The following MBD5 variants were observed in gnomAD, a reference collection of about 807,000 sequenced individuals.
The protein encoded by MBD5 is methyl-CpG binding domain protein 5.
Under a neutral mutation model 117.3 loss-of-function variants are expected in MBD5, and 13 were observed. That is an observed-to-expected ratio of 0.11 (90% CI 0.07 to 0.18). The LOEUF is 0.18. Ranked by LOEUF, MBD5 falls within the 10% of genes least tolerant of loss-of-function variation. The probability of loss-of-function intolerance (pLI) is 1.00; values close to 1 mark genes in which losing one functional copy is unlikely to be tolerated. For missense variants in MBD5, 1,879 were observed against 2,093.8 expected (o/e 0.90, Z 2.00); for synonymous variants, 727 against 766.4 (o/e 0.95, Z 0.85).
chr2:148,341,058 T>C (rs1177358479), intron 3 of MBD5, among the ~76,000 whole-genome samples: 1 of 152,058 alleles, frequency 6.6e-6, no homozygotes, highest in Non-Finnish European at 1.5e-5. Flanking sequence ...TATTTTTCTG[T>C]GAGACCCCAC....
intron 4 of MBD5, chr2:148,347,689 T>C (rs1176778900): frequency 6.6e-6 from 1 of 152,030 alleles, no homozygotes; most frequent in Non-Finnish European, 1.5e-5. Context: ...CAAAAATGTT[T>C]AAATTTATTT....
intron 2 of MBD5, among the ~76,000 whole-genome samples, chr2:148,232,790 A>G (rs781434437): frequency 6.6e-6 from 1 of 152,040 alleles, no homozygotes; most frequent in Non-Finnish European, 1.5e-5. Context: ...TATGCTATGA[A>G]TTGATAATCT....
chr2:148,195,734 A>C (rs1698967690), intron 2 of MBD5, among the ~76,000 whole-genome samples: 1 of 152,178 alleles, frequency 6.6e-6, no homozygotes. Flanking sequence ...ATAATCCAAT[A>C]CCAAAAAAGC....
intron 4 of MBD5, among the ~76,000 whole-genome samples, chr2:148,400,779 A>G (rs972500872): frequency 1.3e-5 from 2 of 152,262 alleles, no homozygotes; most frequent in East Asian, 3.9e-4. Context: ...TATGTCATAT[A>G]CTATAAATTA....
chr2:148,469,791 A>G lies in MBD5; in HGVS notation c.1848A>G (p.Gly616=). The G allele has an allele frequency of 6.2e-7, 1 of 1,613,998 alleles. No homozygotes were observed. The highest frequency in any genetic ancestry group is 8.5e-7 in the Non-Finnish European group (1 of 1,179,900). Residue 616 remains glycine, a synonymous_variant, in exon 8 of 14, where the codon GGA becomes GGG. Coordinates refer to ENST00000642680, the MANE Select transcript of MBD5 (RefSeq NM_001378120.1). ...GAVAGSGNTE[G]HSTLNTMFPP... ...TTGCCGGCAGTGGCAACACTGAAGG[A>G]CATAGCACTTTAAACACCATGTTCC...
chr2:148,514,469 T>G lies in MBD5; in HGVS notation c.*1528T>G, dbSNP rs1033444303. ...TGATGGATTGTCAAAAGAAGGGATC[T>G]ATTATCCCTTTATTCTTGGAACCAC... On this transcript the variant is annotated 3_prime_UTR_variant, in exon 14 of 14. Transcript: ENST00000642680. 3.9e-5 allele frequency: 6 copies of G among 152,172 alleles called. No individual in the cohort carries two copies. The highest frequency in any genetic ancestry group is 1.4e-4 in the African/African-American group (6 of 41,418). The allele number at this position is 152,172 out of a possible 1,614,324, so 9.4% of individuals were successfully genotyped here. A position where few individuals can be genotyped will look rare whatever the true frequency, so the allele number is the denominator to read the frequency against.
intron 1 of MBD5, among the ~76,000 whole-genome samples, chr2:148,172,218 G>A (rs1235826573): frequency 1.3e-5 from 2 of 152,208 alleles, no homozygotes; most frequent in African/African-American, 4.8e-5. Flanking sequence ...CCCAGCAGTG[G>A]CTGTAGACCC....
chr2:148,166,668 G>T (rs2105776485), intron 1 of MBD5, among the ~76,000 whole-genome samples: 1 of 152,122 alleles, frequency 6.6e-6, no homozygotes, highest in East Asian at 1.9e-4. Flanking sequence ...TTCACATGAG[G>T]GTACTTCTCC....
Position 148,503,563 on chromosome 2 carries a change from G to A in MBD5, c.5036+1054G>A, listed in dbSNP as rs151321207. 2.6e-4 allele frequency among the ~76,000 whole-genome samples: 40 copies of A among 152,244 alleles called. No homozygotes were observed. The East Asian group carries it at 7.5e-3, about 29-fold the overall frequency. On this transcript the variant is annotated intron_variant, in intron 12 of 13. Transcript: ENST00000642680. Reference sequence around the variant, plus strand: ...AATTTTAGAAGTCAACAAATCTTAGGAAGACTCTTCACCTCAATAAAAGGT... The same window carrying A: ...AATTTTAGAAGTCAACAAATCTTAGAAAGACTCTTCACCTCAATAAAAGGT...
At chr2:148,136,101 T>C (rs562375453) in intron 1 of MBD5, among the ~76,000 whole-genome samples, 14 of 152,138 alleles carry the variant, frequency 9.2e-5, no homozygotes, top group African/African-American at 3.4e-4. Context: ...GGTGTCAGAG[T>C]TGGGAGATTA....
chr2:148,412,516 G>A (rs1250021411), intron 4 of MBD5, among the ~76,000 whole-genome samples: 2 of 151,952 alleles, frequency 1.3e-5, no homozygotes, highest in Non-Finnish European at 2.9e-5. Context: ...TAGTTTTGTA[G>A]GAATAGCATT....
intron 1 of MBD5, among the ~76,000 whole-genome samples, chr2:148,162,899 A>C (rs192411741): frequency 6.6e-6 from 1 of 152,246 alleles, no homozygotes; most frequent in Non-Finnish European, 1.5e-5. Context: ...CTAAGACAGT[A>C]AAAACTAATA....
intron 1 of MBD5, among the ~76,000 whole-genome samples, chr2:148,043,633 G>T (rs1694438675): frequency 2.0e-5 from 3 of 152,038 alleles, no homozygotes; most frequent in Admixed American, 2.0e-4. Flanking sequence ...CTAGAAGCAG[G>T]TTTTCTTATT....
chr2:148,399,052 G>A (rs1168606304), intron 4 of MBD5, among the ~76,000 whole-genome samples: 3 of 152,280 alleles, frequency 2.0e-5, no homozygotes, highest in African/African-American at 7.2e-5. Context: ...TTTGGTTACT[G>A]TAGCCTTGTA....
intron 3 of MBD5, among the ~76,000 whole-genome samples, chr2:148,261,366 T>C (rs1700728343): frequency 6.6e-6 from 1 of 152,258 alleles, no homozygotes; most frequent in Non-Finnish European, 1.5e-5. Context: ...TGATCTTAGC[T>C]AGATCTTCTA....
chr2:148,259,225 A>C (rs1254037625), intron 3 of MBD5, among the ~76,000 whole-genome samples: 2 of 152,098 alleles, frequency 1.3e-5, no homozygotes, highest in Non-Finnish European at 2.9e-5. Flanking sequence ...CCCTTGTGCC[A>C]ACTGCCCGCT....
chr2:148,482,140 G>C (rs1285242659), intron 8 of MBD5, among the ~76,000 whole-genome samples: 1 of 152,180 alleles, frequency 6.6e-6, no homozygotes, highest in African/African-American at 2.4e-5. Context: ...CAGGAGGGTA[G>C]TTTGACAATA....
intron 1 of MBD5, among the ~76,000 whole-genome samples, chr2:148,049,145 A>G (rs1017894463): frequency 2.6e-5 from 4 of 152,184 alleles, no homozygotes; most frequent in African/African-American, 9.7e-5. Context: ...ACTGGACTGT[A>G]GCTTGACTAG....
At chr2:148,080,049 T>C (rs571516467) in intron 1 of MBD5, among the ~76,000 whole-genome samples, 4 of 152,186 alleles carry the variant, frequency 2.6e-5, no homozygotes, top group Non-Finnish European at 4.4e-5. Flanking sequence ...TCTGGAATTA[T>C]TAAAACAAAA....
Sources: gnomAD v4.1 joint callset for allele counts (sites outside exome capture counted in the v4.1 genomes callset) on GRCh38, gnomAD v4.1.1 for gene constraint, MANE v1.5 for transcripts, NCBI Gene and HGNC (gene_info 2026-07-23, HGNC 2026-07-21) for gene names.